The following TSHZ2 variants were observed in gnomAD, a reference collection of about 807,000 sequenced individuals.
TSHZ2 encodes teashirt zinc finger homeobox 2, also known as teashirt homolog 2.
Under a neutral mutation model 74.4 loss-of-function variants are expected in TSHZ2, and 21 were observed. The ratio of observed to expected loss-of-function variants is 0.28; its 90% CI spans 0.20 to 0.41. The LOEUF is 0.41. Among genes scored for constraint, TSHZ2 ranks in the 10% least tolerant of loss-of-function variants. The probability of loss-of-function intolerance (pLI) is 1.00; values close to 1 mark genes in which losing one functional copy is unlikely to be tolerated. For synonymous variants in TSHZ2, 540 were observed against 515.3 expected, an observed-to-expected ratio of 1.05 and a Z score of -0.65; for missense variants, 1,244 against 1,293.5, an observed-to-expected ratio of 0.96 and a Z score of 0.59.
intron 2 of TSHZ2, among the ~76,000 whole-genome samples, chr20:53,410,971 G>A (rs930654765): frequency 1.3e-5 from 2 of 151,852 alleles, no homozygotes; most frequent in Admixed American, 6.6e-5. Flanking sequence ...CACCATGCCC[G>A]GCCATTGGTA....
chr20:53,445,085 A>G (rs1302264176), intron 2 of TSHZ2, among the ~76,000 whole-genome samples: 1 of 152,170 alleles, frequency 6.6e-6, no homozygotes, highest in Admixed American at 6.6e-5. Context: ...TCACATTATT[A>G]AAAAAATAAA....
At chr20:53,260,569 G>A (rs1990582483) in intron 2 of TSHZ2, among the ~76,000 whole-genome samples, 1 of 152,182 alleles carries the variant, frequency 6.6e-6, no homozygotes, top group Non-Finnish European at 1.5e-5. Context: ...GGGAAGCCGG[G>A]ATGGGGAACA....
chr20:53,291,922 G>A (rs1247374042), intron 2 of TSHZ2, among the ~76,000 whole-genome samples: 1 of 151,418 alleles, frequency 6.6e-6, no homozygotes, highest in Non-Finnish European at 1.5e-5. Context: ...TGACACCATG[G>A]TACAGATGAT....
At position 53,253,945 on chromosome 20, in the gene TSHZ2, A is replaced by C; in HGVS notation, c.487A>C (p.Lys163Gln). ...RNCDTRNGSN[K>Q]SDFDWHQDAL... ...CTGTGACACCCGAAACGGCAGCAAC[A>C]AGAGTGATTTTGATTGGCACCAAGA... Residue 163 changes from lysine to glutamine, a missense_variant, in exon 2 of 3, where the codon AAG (lysine) becomes CAG (glutamine). This residue lies in a region of TSHZ2 where 470 missense variants were observed against 456.5 expected (regional missense o/e 1.03). Coordinates refer to ENST00000371497, the MANE Select transcript of TSHZ2 (RefSeq NM_173485.6). The C allele has an allele frequency of 6.2e-7, 1 of 1,614,188 alleles. No homozygotes were observed. The highest frequency in any genetic ancestry group is 8.5e-7 in the Non-Finnish European group (1 of 1,180,030).
rs544499382 is a variant in TSHZ2, at chr20:53,378,112, G to A, written c.*9-109032G>A. Among the ~76,000 whole-genome samples, 21 of 152,196 alleles carry A rather than the reference G, an allele frequency of 1.4e-4. No homozygotes were observed. The East Asian group carries it at 2.1e-3, about 15-fold the overall frequency. On this transcript the variant is annotated intron_variant, in intron 2 of 2. Coordinates refer to ENST00000371497, the MANE Select transcript of TSHZ2 (RefSeq NM_173485.6). ...TCCCAGCACTTCGGGAGGCCGAGGC[G>A]GGCGATCACCTGAGGTCAGGAGTTC...
At chr20:52,984,132 A>C (rs1168519849) in intron 1 of TSHZ2, among the ~76,000 whole-genome samples, 1 of 152,134 alleles carries the variant, frequency 6.6e-6, no homozygotes, top group South Asian at 2.1e-4. Flanking sequence ...AGCACGGGGG[A>C]GATTCTGCTG....
In TSHZ2 at chr20:53,490,891, A is replaced by C. The variant is rs1050204975; in HGVS notation, c.*3756A>C. ...GGTCTATGGACAATGTGGCAGTAAGAGTCTATGATGTTCTGAAACTTTTCA... is the reference window on the plus strand; with the variant it reads ...GGTCTATGGACAATGTGGCAGTAAGCGTCTATGATGTTCTGAAACTTTTCA... On this transcript the variant is annotated 3_prime_UTR_variant, in exon 3 of 3. Transcript: ENST00000371497. 2 of 152,190 alleles carry C rather than the reference A, an allele frequency of 1.3e-5. No individual in the cohort carries two copies. Among genetic ancestry groups the C allele is most frequent in the African/African-American group, 4.8e-5 (2 of 41,442 alleles). 9.4% of individuals were successfully genotyped at this position (152,190 alleles called of 1,614,324 possible).
At chr20:53,279,456 G>T (rs558516321) in intron 2 of TSHZ2, among the ~76,000 whole-genome samples, 22 of 152,116 alleles carry the variant, frequency 1.4e-4, no homozygotes, top group Non-Finnish European at 3.1e-4. Context: ...CTCTTACTTT[G>T]TTGGCCCTAT....
chr20:53,463,492 AAGAG>A (rs3042224), intron 2 of TSHZ2, among the ~76,000 whole-genome samples: 49,746 of 147,202 alleles, frequency 0.34, 8,893 homozygotes, highest in Admixed American at 0.35. Flanking sequence ...AGAGGAAAGA[AAGAG>A]AGAAGGAAGA....
At chr20:53,448,770 G>C (rs1001618229) in intron 2 of TSHZ2, among the ~76,000 whole-genome samples, 6 of 152,142 alleles carry the variant, frequency 3.9e-5, no homozygotes, top group Non-Finnish European at 8.8e-5. Context: ...TGTTACCCTA[G>C]CTGTGTGATT....
Position 53,297,751 on chromosome 20 carries a change from A to G in TSHZ2, c.*8+41180A>G. Among the ~76,000 whole-genome samples, 2 of 152,220 alleles carry G rather than the reference A, an allele frequency of 1.3e-5. 1 individual carries two copies. The highest frequency in any genetic ancestry group is 2.9e-5 in the Non-Finnish European group (2 of 68,032). ...CCCACTTTCCTTGTGTATACAATGG[A>G]GAAAGTAATAGTAACACTTCTAAGG... On this transcript the variant is annotated intron_variant, in intron 2 of 2. Transcript: ENST00000371497.
rs74177489 is a variant in TSHZ2, at chr20:53,340,177, C to CTTTTTTTTTTTTTTTTTTTTTTTT, written c.*8+83612_*8+83613insTTTTTTTTTTTTTTTTTTTTTTTT. Reference sequence around the variant, plus strand: ...GGATAAAACAAGGTGACTTTTCTTTCTTTTTTCTTTTTTTTTTTTTTTTGA... The same window carrying CTTTTTTTTTTTTTTTTTTTTTTTT: ...GGATAAAACAAGGTGACTTTTCTTTCTTTTTTTTTTTTTTTTTTTTTTTTTTTTTTCTTTTTTTTTTTTTTTTGA... On this transcript the variant is annotated intron_variant, in intron 2 of 2. Transcript: ENST00000371497. Among the ~76,000 whole-genome samples, 14 of 94,080 alleles carry CTTTTTTTTTTTTTTTTTTTTTTTT rather than the reference C, an allele frequency of 1.5e-4. 7 individuals are homozygous for CTTTTTTTTTTTTTTTTTTTTTTTT. The highest frequency in any genetic ancestry group is 2.7e-4 in the African/African-American group (6 of 22,280). The allele number at this position is 94,080 out of a possible 152,430, so 61.7% of individuals were successfully genotyped here.
At chr20:53,296,771 G>T (rs1296224120) in intron 2 of TSHZ2, among the ~76,000 whole-genome samples, 5 of 152,176 alleles carry the variant, frequency 3.3e-5, no homozygotes, top group Non-Finnish European at 7.3e-5. Context: ...TGACAGTTTT[G>T]CATAGTCACT....
At chr20:53,374,426 A>G (rs1201898053) in intron 2 of TSHZ2, among the ~76,000 whole-genome samples, 4 of 152,152 alleles carry the variant, frequency 2.6e-5, no homozygotes, top group Non-Finnish European at 5.9e-5. Flanking sequence ...TGTCTTTACC[A>G]TTGTGAATAG....
intron 1 of TSHZ2, among the ~76,000 whole-genome samples, chr20:53,208,103 A>G (rs117368418): frequency 0.013 from 2,010 of 152,264 alleles, 15 homozygotes; most frequent in Non-Finnish European, 0.02. Context: ...TGTTGGCATG[A>G]CAGTTCTACC....
At chr20:53,047,969 G>A (rs1351744767) in intron 1 of TSHZ2, among the ~76,000 whole-genome samples, 2 of 152,196 alleles carry the variant, frequency 1.3e-5, no homozygotes, top group Non-Finnish European at 2.9e-5. Context: ...GTCAGAAGGG[G>A]AGACGGGATG....
At chr20:53,129,193 T>C (rs964250002) in intron 1 of TSHZ2, among the ~76,000 whole-genome samples, 9 of 152,344 alleles carry the variant, frequency 5.9e-5, no homozygotes, top group African/African-American at 1.9e-4. Flanking sequence ...AAACTTTTAT[T>C]ATTTTAGGGC....
intron 2 of TSHZ2, among the ~76,000 whole-genome samples, chr20:53,454,633 G>A (rs1400563376): frequency 6.6e-6 from 1 of 151,634 alleles, no homozygotes; most frequent in African/African-American, 2.4e-5. Flanking sequence ...CCATCCTTCA[G>A]GTCTTCATTC....
chr20:53,021,027 G>T (rs984320868), intron 1 of TSHZ2, among the ~76,000 whole-genome samples: 1 of 139,366 alleles, frequency 7.2e-6, no homozygotes, highest in Non-Finnish European at 1.6e-5. Context: ...ACTTAGCATA[G>T]GTCTGGACAG....
Sources: gnomAD v4.1 joint callset for allele counts (sites outside exome capture counted in the v4.1 genomes callset) on GRCh38, gnomAD v4.1.1 for gene constraint, gnomAD v4.1.1 regional missense constraint, MANE v1.5 for transcripts, NCBI Gene and HGNC (gene_info 2026-07-23, HGNC 2026-07-21) for gene names.